Variants in EVI5 observed in about 807,000 individuals in gnomAD.
The protein encoded by EVI5 is ecotropic viral integration site 5.
Under a neutral mutation model 112.0 loss-of-function variants are expected in EVI5, and 73 were observed. The observed-to-expected ratio is 0.65, with a 90% CI of 0.54 to 0.79. The LOEUF (loss-of-function observed/expected upper bound fraction) is 0.79. Among genes scored for constraint, EVI5 ranks in the 30% least tolerant of loss-of-function variants. The pLI, the probability that EVI5 is intolerant of heterozygous loss-of-function variation, is 0.00. For missense variants in EVI5, 900 were observed against 968.8 expected, an observed-to-expected ratio of 0.93 and a Z score of 0.94; for synonymous variants, 305 against 319.9, an observed-to-expected ratio of 0.95 and a Z score of 0.50.
upstream of EVI5, among the ~76,000 whole-genome samples, chr1:92,788,399 G>A (rs564807079): frequency 5.9e-5 from 9 of 151,384 alleles, no homozygotes; most frequent in Admixed American, 2.6e-4. Flanking sequence ...ACTTGAACCC[G>A]GGGGGCGGAG....
rs773727645 is a variant in EVI5 at position 92,607,633 on chromosome 1, A to G, written c.1922T>C (p.Leu641Pro). ...CTTTGCTTCACTTAATTGAGTAAGGAGTCCTTTGTTCTGTGCAGAAAGATA... is the reference window on the plus strand; with the variant it reads ...CTTTGCTTCACTTAATTGAGTAAGGGGTCCTTTGTTCTGTGCAGAAAGATA... Reference protein sequence around the residue: ...VQYLSAQNKGLLTQLSEAKRK... With the variant: ...VQYLSAQNKGPLTQLSEAKRK... The change falls in exon 17 of 20, where the codon CTC becomes CCC. Residue 641 changes from leucine (L) to proline (P), a missense_variant. Leu to Pro is a moderately conservative substitution (Grantham distance 98). Transcript: ENST00000684568. The G allele has an allele frequency of 1.2e-6, 2 of 1,605,242 alleles. No individual in the cohort carries two copies. Among genetic ancestry groups the G allele is most frequent in the Admixed American group, 1.7e-5 (1 of 58,294 alleles).
rs189696219 is a variant in EVI5 at position 92,529,010 on chromosome 1, A to T, written c.2167-15040T>A. Among the ~76,000 whole-genome samples the T allele has an allele frequency of 1.1e-4, 16 of 152,350 alleles. No individual in the cohort carries two copies. In the East Asian group the frequency reaches 3.1e-3, roughly 29 times the overall value. On this transcript the variant is annotated intron_variant, in intron 19 of 19. Transcript: ENST00000684568. Reference sequence around the variant, plus strand: ...TAAAAGATTGTTGGAAAGACATGCAACTGCCATTCATTCTTCCACTAGCAT... The same window carrying T: ...TAAAAGATTGTTGGAAAGACATGCATCTGCCATTCATTCTTCCACTAGCAT...
chr1:92,752,135 T>G (rs1321339281), intron 1 of EVI5, among the ~76,000 whole-genome samples: 1 of 152,178 alleles, frequency 6.6e-6, no homozygotes, highest in African/African-American at 2.4e-5. Context: ...ATTTTTCCTT[T>G]ACCTCTGGGA....
At chr1:92,686,179 C>T (rs1480017833) in intron 9 of EVI5, among the ~76,000 whole-genome samples, 1 of 152,212 alleles carries the variant, frequency 6.6e-6, no homozygotes, top group Non-Finnish European at 1.5e-5. Flanking sequence ...TACAGCAGCA[C>T]ATCAAAAAGC....
rs1685424274 is a variant in EVI5, at chr1:92,784,927, C to G, written c.-173G>C. 1.0e-6 allele frequency: 1 copy of G among 986,428 alleles called. No individual in the cohort carries two copies. The highest frequency in any genetic ancestry group is 1.7e-5 in the African/African-American group (1 of 57,386). 61.1% of individuals were successfully genotyped at this position (986,428 alleles called of 1,614,324 possible). On this transcript the variant is annotated 5_prime_UTR_variant, in exon 1 of 20. Coordinates refer to ENST00000684568, the MANE Select transcript of EVI5 (RefSeq NM_001350197.2). The stretch of plus-strand genomic sequence containing the variant: ...GCGTCTCAGCGCCTCGGCCCCGCTC[C>G]TGGCTCCACGGGTCGCCCGTCCCGA...
intron 13 of EVI5, among the ~76,000 whole-genome samples, chr1:92,651,608 T>C (rs1364997682): frequency 6.6e-6 from 1 of 151,782 alleles, no homozygotes; most frequent in Non-Finnish European, 1.5e-5. Context: ...TCCCAGCACT[T>C]TGGGAGGCCG....
intron 4 of EVI5, among the ~76,000 whole-genome samples, chr1:92,703,059 G>T (rs907756645): frequency 6.6e-6 from 1 of 152,064 alleles, no homozygotes; most frequent in African/African-American, 2.4e-5. Flanking sequence ...GCTCACTGTA[G>T]GAACACAGAT....
intron 1 of EVI5, among the ~76,000 whole-genome samples, chr1:92,783,910 C>T (rs1183471282): frequency 6.6e-6 from 1 of 151,890 alleles, no homozygotes; most frequent in Non-Finnish European, 1.5e-5. Flanking sequence ...AAGTTACTTA[C>T]ATCAGCTCAG....
At chr1:92,783,087 C>A (rs2103114244) in intron 1 of EVI5, among the ~76,000 whole-genome samples, 1 of 152,248 alleles carries the variant, frequency 6.6e-6, no homozygotes, top group South Asian at 2.1e-4. Context: ...TCCCAAAATG[C>A]TAGGATCACA....
At chr1:92,558,366 T>A (rs899553804) in intron 19 of EVI5, among the ~76,000 whole-genome samples, 2 of 152,166 alleles carry the variant, frequency 1.3e-5, no homozygotes, top group Non-Finnish European at 2.9e-5. Flanking sequence ...GATATCTTCA[T>A]TTGCAGTAAG....
intron 19 of EVI5, among the ~76,000 whole-genome samples, chr1:92,543,386 T>C (rs1665151235): frequency 6.6e-6 from 1 of 152,200 alleles, no homozygotes; most frequent in African/African-American, 2.4e-5. Flanking sequence ...TTCAAAGAAT[T>C]GAAGAGAGTT....
At chr1:92,744,539 CCTT>C (rs970326742) in intron 1 of EVI5, among the ~76,000 whole-genome samples, 9 of 151,786 alleles carry the variant, frequency 5.9e-5, no homozygotes, top group Non-Finnish European at 1.0e-4. Flanking sequence ...TGATAATTCT[CCTT>C]CTTAAGTTTG....
intron 18 of EVI5, among the ~76,000 whole-genome samples, chr1:92,575,559 CTTTTTTTTTTTT>C (rs57088252): frequency 1.4e-5 from 1 of 73,720 alleles, no homozygotes; most frequent in Non-Finnish European, 2.4e-5. Context: ...GTCCCTGTGC[CTTTTTTTTTTTT>C]TTTTTTTTTT....
intron 16 of EVI5, among the ~76,000 whole-genome samples, chr1:92,608,046 G>A (rs544902892): frequency 5.3e-5 from 8 of 151,750 alleles, no homozygotes; most frequent in Non-Finnish European, 1.0e-4. Flanking sequence ...AGGTACTCGG[G>A]AGGCTGAAGC....
chr1:92,675,604 AT>A (rs1666602045), intron 10 of EVI5, among the ~76,000 whole-genome samples: 1 of 152,118 alleles, frequency 6.6e-6, no homozygotes. Flanking sequence ...CTCCCCACTC[AT>A]CAGGATGACG....
intron 14 of EVI5, among the ~76,000 whole-genome samples, chr1:92,626,872 C>G (rs1300123039): frequency 2.6e-5 from 4 of 152,090 alleles, no homozygotes; most frequent in Non-Finnish European, 5.9e-5. Flanking sequence ...ATTTCCTCAG[C>G]ATGTTATTTT....
chr1:92,637,925 C>T (rs911989553), intron 13 of EVI5, among the ~76,000 whole-genome samples: 1 of 152,102 alleles, frequency 6.6e-6, no homozygotes, highest in African/African-American at 2.4e-5. Context: ...TATTTCAATA[C>T]GAGAAGTGCA....
chr1:92,714,613 AG>A (rs1251120376), intron 2 of EVI5, among the ~76,000 whole-genome samples: 1 of 152,318 alleles, frequency 6.6e-6, no homozygotes, highest in East Asian at 1.9e-4. Flanking sequence ...TTTCAAAGAG[AG>A]GGTCTTGCTC....
chr1:92,548,683 G>GC lies in EVI5; in HGVS notation c.2166+14958dup, dbSNP rs1271501009. Among the ~76,000 whole-genome samples the GC allele has an allele frequency of 3.9e-5, 6 of 152,152 alleles. No individual in the cohort carries two copies. The East Asian group carries it at 1.2e-3, about 29-fold the overall frequency. On this transcript the variant is annotated intron_variant, in intron 19 of 19. Transcript: ENST00000684568. ...CAAAATCAATGTGCAAAAATCACAA[G>GC]CATTCTTATACACCAATAACAGACA...
Sources: gnomAD v4.1 joint callset for allele counts (sites outside exome capture counted in the v4.1 genomes callset) on GRCh38, gnomAD v4.1.1 for gene constraint, MANE v1.5 for transcripts, NCBI Gene and HGNC (gene_info 2026-07-23, HGNC 2026-07-21) for gene names.